The following FAM20C variants were observed in gnomAD, a reference collection of about 807,000 sequenced individuals.
FAM20C encodes FAM20C golgi associated secretory pathway kinase.
In FAM20C, 40 loss-of-function variants were observed where a neutral mutation model predicts 51.5. The ratio of observed to expected loss-of-function variants is 0.78; its 90% CI spans 0.60 to 1.01. The LOEUF is 1.01. FAM20C is among the 50% of genes least tolerant of loss of function. FAM20C has a pLI of 0.00. For synonymous variants in FAM20C, 406 were observed against 380.6 expected (o/e 1.07, Z -0.78); for missense variants, 861 against 844.7 (o/e 1.02, Z -0.24).
chr7:201,090 C>T (rs1383178032), intron 2 of FAM20C, among the ~76,000 whole-genome samples: 1 of 152,202 alleles, frequency 6.6e-6, no homozygotes, highest in Non-Finnish European at 1.5e-5. Flanking sequence ...CCTGAGCTCT[C>T]CCGGTGTCAC....
chr7:234,575 G>A (rs1787795699), intron 3 of FAM20C, among the ~76,000 whole-genome samples: 2 of 152,182 alleles, frequency 1.3e-5, no homozygotes, highest in African/African-American at 2.4e-5. Flanking sequence ...GAAGGTGCTT[G>A]GGGAGGAGTA....
chr7:237,808 GTGA>G (rs1398680820), intron 3 of FAM20C, among the ~76,000 whole-genome samples: 154 of 148,562 alleles, frequency 1.0e-3, no homozygotes, highest in African/African-American at 3.7e-3. Flanking sequence ...GATGGTGGAG[GTGA>G]TGATCATGGT....
In FAM20C at chr7:195,566, T is replaced by C. The variant is rs756570743; in HGVS notation, c.618T>C (p.Gly206=). 4 of 1,584,614 alleles carry C rather than the reference T, an allele frequency of 2.5e-6. No homozygotes were observed. Among genetic ancestry groups the C allele is most frequent in the Non-Finnish European group, 3.4e-6 (4 of 1,163,820 alleles). The change falls in exon 2 of 10, where the codon GGT becomes GGC. Residue 206 remains glycine (G), a synonymous_variant. Transcript: ENST00000313766. ...CTGCTCCCTGCAGGCCGCATGCGGG[T>C]GCTGAAGGTGCAGAATTCCTCTCCC... The part of the protein sequence containing the change: ...AAENPDWPHA[G]AEGAEFLSPG...
chr7:231,655 G>C (rs1250697985), intron 3 of FAM20C, among the ~76,000 whole-genome samples: 1 of 152,158 alleles, frequency 6.6e-6, no homozygotes, highest in Non-Finnish European at 1.5e-5. Flanking sequence ...GTTTCCAGGA[G>C]GGTGAGCAGG....
intron 3 of FAM20C, among the ~76,000 whole-genome samples, chr7:230,372 T>TTGGGG (rs770436412): frequency 1.3e-4 from 1 of 7,466 alleles, no homozygotes; most frequent in Non-Finnish European, 3.3e-4. Context: ...CAGGACGGGG[T>TTGGGG]GGGGGGGGGG....
At chr7:230,385 G>GGGGGGGA (rs56402190) in intron 3 of FAM20C, among the ~76,000 whole-genome samples, 4 of 104,642 alleles carry the variant, frequency 3.8e-5, no homozygotes, top group Admixed American at 9.8e-5. Context: ...GGGGGGGGGG[G>GGGGGGGA]AACAGATCCC....
intron 3 of FAM20C, among the ~76,000 whole-genome samples, chr7:244,720 C>T (rs779072700): frequency 1.3e-5 from 2 of 152,242 alleles, no homozygotes; most frequent in Non-Finnish European, 2.9e-5. Flanking sequence ...GGCGCCAGCC[C>T]ACCATCCGCA....
At chr7:254,949 A>G (rs925913160) in intron 5 of FAM20C, among the ~76,000 whole-genome samples, 18 of 152,178 alleles carry the variant, frequency 1.2e-4, no homozygotes, top group Non-Finnish European at 2.4e-4. Flanking sequence ...GTTTCGTGTC[A>G]TCGCACGGAT....
Position 248,349 on chromosome 7 carries a change from G to C in FAM20C, c.991G>C (p.Gly331Arg), listed in dbSNP as rs983451162. The change falls in exon 5 of 10, where the codon GGC becomes CGC. Residue 331 changes from glycine (G) to arginine (R), a missense_variant. This residue lies in a region of FAM20C where 561 missense variants were observed against 499.8 expected (regional missense o/e 1.12). Coordinates refer to ENST00000313766, the MANE Select transcript of FAM20C (RefSeq NM_020223.4). ...CTTCCGCCGGGTCCCTCCCGTGGCCGGCAGGATGGTCAACATGACCAAGGA... is the reference window on the plus strand; with the variant it reads ...CTTCCGCCGGGTCCCTCCCGTGGCCCGCAGGATGGTCAACATGACCAAGGA... ...LDFRRVPPVA[G>R]RMVNMTKEIR... is the part of the protein sequence containing the mutation. 23 of 1,537,140 alleles carry C rather than the reference G, an allele frequency of 1.5e-5. No individual in the cohort carries two copies. Among genetic ancestry groups the C allele is most frequent in the Non-Finnish European group, 1.9e-5 (22 of 1,146,870 alleles).
chr7:233,949 G>C (rs905815195), intron 3 of FAM20C, among the ~76,000 whole-genome samples: 3 of 152,214 alleles, frequency 2.0e-5, no homozygotes, highest in Middle Eastern at 3.2e-3. Context: ...CCAGCTCTGG[G>C]GGGAGGGAGA....
chr7:211,173 A>T (rs1383791948), intron 3 of FAM20C, among the ~76,000 whole-genome samples: 3 of 58,994 alleles, frequency 5.1e-5, no homozygotes, highest in African/African-American at 1.2e-4. Context: ...GCCTCCGCCA[A>T]CCTCCCCCAA....
chr7:259,927 A>G lies in FAM20C; in HGVS notation c.1702A>G (p.Ser568Gly), dbSNP rs1423382376. 2 of 1,532,494 alleles carry G rather than the reference A, an allele frequency of 1.3e-6. No homozygotes were observed. 94.9% of individuals were successfully genotyped at this position (1,532,494 alleles called of 1,614,324 possible). ...CTGCGTGGAGAGGAACGGGCTCCAC[A>G]GCGTGGTGGATGACGACCTGGACAC... ...RDCVERNGLH[S>G]VVDDDLDTEH... is the part of the protein sequence containing the mutation. The change falls in exon 10 of 10, where the codon AGC becomes GGC. Residue 568 changes from serine to glycine, a missense_variant. Ser to Gly is a moderately conservative substitution (Grantham distance 56). Transcript: ENST00000313766.
intron 3 of FAM20C, chr7:229,345 C>T (rs1345813719): frequency 5.8e-6 from 1 of 172,604 alleles, no homozygotes; most frequent in Non-Finnish European, 1.3e-5. Context: ...CTTCCTGGGC[C>T]CTGTGCCATT....
chr7:256,803 C>A, intron 7 of FAM20C, 40 bp downstream of exon 7: 1 of 1,517,480 alleles, frequency 6.6e-7, no homozygotes, highest in Non-Finnish European at 8.8e-7. Context: ...TGTCACTCGC[C>A]TTGCGTGGAG....
intron 3 of FAM20C, among the ~76,000 whole-genome samples, chr7:242,327 G>A (rs1454649383): frequency 2.6e-5 from 4 of 152,206 alleles, no homozygotes; most frequent in African/African-American, 9.6e-5. Context: ...CCGGGGACGC[G>A]GATCTGACAA....
intron 3 of FAM20C, among the ~76,000 whole-genome samples, chr7:241,196 G>A (rs1357753320): frequency 6.6e-6 from 1 of 152,096 alleles, no homozygotes; most frequent in Non-Finnish European, 1.5e-5. Flanking sequence ...CCTTCCCTGG[G>A]GCTTTCAGCC....
chr7:205,816 G>A (rs528268780), intron 2 of FAM20C, among the ~76,000 whole-genome samples: 1 of 152,174 alleles, frequency 6.6e-6, no homozygotes, highest in African/African-American at 2.4e-5. Flanking sequence ...TCCTCGGGAA[G>A]CATCCACGGC....
At chr7:199,288 A>G (rs368907110) in intron 2 of FAM20C, among the ~76,000 whole-genome samples, 9 of 152,360 alleles carry the variant, frequency 5.9e-5, no homozygotes, top group African/African-American at 1.9e-4. Context: ...GGCCAAGCCA[A>G]TCAGGCAGGT....
In FAM20C at chr7:193,071, C is replaced by A; in HGVS notation, c.-129C>A. 1.3e-6 allele frequency: 1 copy of A among 770,948 alleles called. No individual in the cohort carries two copies. Among genetic ancestry groups the A allele is most frequent in the Non-Finnish European group, 1.7e-6 (1 of 578,740 alleles). 47.8% of individuals were successfully genotyped at this position (770,948 alleles called of 1,614,324 possible). On this transcript the variant is annotated 5_prime_UTR_variant, in exon 1 of 10. Coordinates refer to ENST00000313766, the MANE Select transcript of FAM20C (RefSeq NM_020223.4). Reference sequence around the variant, plus strand: ...GCACGCGGCCCGGGCCCGGGGACAGCCCCGGAGCTGGTAGCCGCCCGGCAC... The same window carrying A: ...GCACGCGGCCCGGGCCCGGGGACAGACCCGGAGCTGGTAGCCGCCCGGCAC...
Sources: allele counts gnomAD v4.1 joint callset (sites outside exome capture counted in the v4.1 genomes callset), GRCh38; gene constraint gnomAD v4.1.1; regional missense constraint gnomAD v4.1.1; transcripts MANE v1.5; gene names NCBI Gene and HGNC (gene_info 2026-07-23, HGNC 2026-07-21).